The following GALNT17 variants were observed in gnomAD, a reference collection of about 807,000 sequenced individuals.
GALNT17 encodes UDP-GalNAc:polypeptide N-acetylgalactosaminyltransferase-like 3.
A neutral mutation model predicts 63.7 loss-of-function variants in GALNT17; 29 were observed. That is an observed-to-expected ratio of 0.46 (90% CI 0.34 to 0.62). The LOEUF (loss-of-function observed/expected upper bound fraction) is 0.62, where lower values mean the gene tolerates loss of function less well. GALNT17 is among the 20% of genes least tolerant of loss of function. The pLI is 0.01. For missense variants in GALNT17, 603 were observed against 799.6 expected (o/e 0.75, Z 2.97); for synonymous variants, 305 against 318.3 (o/e 0.96, Z 0.45).
At chr7:71,155,209 G>A (rs1048838652) in intron 1 of GALNT17, among the ~76,000 whole-genome samples, 1 of 151,862 alleles carries the variant, frequency 6.6e-6, no homozygotes, top group Non-Finnish European at 1.5e-5. Context: ...TAGCACCACA[G>A]TTCCTTATAT....
At chr7:71,492,874 G>A (rs753708586) in intron 5 of GALNT17, among the ~76,000 whole-genome samples, 1 of 152,148 alleles carries the variant, frequency 6.6e-6, no homozygotes, top group Non-Finnish European at 1.5e-5. Context: ...GATTATGATG[G>A]ACCAGAGAAG....
intron 2 of GALNT17, among the ~76,000 whole-genome samples, chr7:71,377,484 T>C (rs1792765587): frequency 6.6e-6 from 1 of 152,046 alleles, no homozygotes; most frequent in Non-Finnish European, 1.5e-5. Flanking sequence ...TGGGGGAGAC[T>C]CACACTGACA....
intron 3 of GALNT17, among the ~76,000 whole-genome samples, chr7:71,394,309 G>A (rs533220590): frequency 6.6e-6 from 1 of 152,188 alleles, no homozygotes; most frequent in South Asian, 2.1e-4. Context: ...AATTCCATAA[G>A]AATGGCACCA....
rs1793299388 is a variant in GALNT17 at position 71,404,793 on chromosome 7, T to C, written c.590-11096T>C. Reference sequence around the variant, plus strand: ...AAAAGATTCCCTGGATGCCCACTCTTTTGAAACCTCTTAATCAGCCCTTAG... The same window carrying C: ...AAAAGATTCCCTGGATGCCCACTCTCTTGAAACCTCTTAATCAGCCCTTAG... On this transcript the variant is annotated intron_variant, in intron 3 of 10. Transcript: ENST00000333538. Among the ~76,000 whole-genome samples the C allele has an allele frequency of 2.6e-5, 4 of 152,170 alleles. No homozygotes were observed. In the South Asian group the frequency reaches 8.3e-4, roughly 32 times the overall value.
rs766247752 is a variant in GALNT17 at position 71,158,701 on chromosome 7, C to T, written c.238+25661C>T. 4.6e-5 allele frequency among the ~76,000 whole-genome samples: 7 copies of T among 151,830 alleles called. 2 individuals are homozygous for T. Among genetic ancestry groups the T allele is most frequent in the South Asian group, 2.1e-4 (1 of 4,810 alleles). ...ACACCATTCTCCTACCTCAGACTCC[C>T]GAGTAGCTCCGACTACAGGCGCCTG... On this transcript the variant is annotated intron_variant, in intron 1 of 10. Transcript: ENST00000333538.
At chr7:71,453,090 T>C (rs765264654) in intron 5 of GALNT17, among the ~76,000 whole-genome samples, 3 of 152,206 alleles carry the variant, frequency 2.0e-5, no homozygotes, top group Admixed American at 6.5e-5. Flanking sequence ...TTGTTCATTA[T>C]TGTGTCTCCA....
chr7:71,515,387 A>G (rs754630579), intron 5 of GALNT17, among the ~76,000 whole-genome samples: 33 of 152,146 alleles, frequency 2.2e-4, no homozygotes, highest in Non-Finnish European at 5.9e-5. Context: ...TGTCTACATT[A>G]CTAGTCTTGT....
intron 6 of GALNT17, among the ~76,000 whole-genome samples, chr7:71,578,898 G>C (rs1430525880): frequency 6.6e-6 from 1 of 152,038 alleles, no homozygotes; most frequent in African/African-American, 2.4e-5. Context: ...GAGACCTCTG[G>C]CATCAGGAAC....
intron 1 of GALNT17, among the ~76,000 whole-genome samples, chr7:71,334,267 C>G (rs1791858648): frequency 6.6e-6 from 1 of 152,212 alleles, no homozygotes; most frequent in Admixed American, 6.5e-5. Context: ...GGGGAACCGT[C>G]TCACTACCGG....
intron 1 of GALNT17, among the ~76,000 whole-genome samples, chr7:71,302,771 A>T (rs986664834): frequency 6.6e-6 from 1 of 152,192 alleles, no homozygotes; most frequent in Non-Finnish European, 1.5e-5. Flanking sequence ...CCCTTTCAAC[A>T]TGGGGTATTC....
intron 1 of GALNT17, among the ~76,000 whole-genome samples, chr7:71,142,814 A>G (rs925194896): frequency 6.6e-6 from 1 of 151,308 alleles, no homozygotes; most frequent in African/African-American, 2.4e-5. Context: ...GGTGGCACAT[A>G]CCTGTAATCC....
At chr7:71,430,180 A>C (rs924739046) in intron 5 of GALNT17, among the ~76,000 whole-genome samples, 4 of 152,108 alleles carry the variant, frequency 2.6e-5, no homozygotes, top group South Asian at 4.1e-4. Context: ...AAACTACCAT[A>C]AATTCAGTTG....
rs1489159165 is a variant in GALNT17 at position 71,609,810 on chromosome 7, GTTA to G, written c.1080+38415_1080+38417del. On this transcript the variant is annotated intron_variant, in intron 6 of 10. Coordinates refer to ENST00000333538, the MANE Select transcript of GALNT17 (RefSeq NM_022479.3). ...TCAATAATAACTTAATTATTACTAAGTTATTATTAATAACTATCTAATTGTGCT... is the reference window on the plus strand; with the variant it reads ...TCAATAATAACTTAATTATTACTAAGTTATTAATAACTATCTAATTGTGCT... 1.1e-4 allele frequency among the ~76,000 whole-genome samples: 16 copies of G among 151,858 alleles called. No individual in the cohort carries two copies. In the East Asian group the frequency reaches 1.4e-3, roughly 13 times the overall value.
intron 6 of GALNT17, among the ~76,000 whole-genome samples, chr7:71,608,946 A>ATTT (rs766905822): frequency 0.036 from 5,047 of 140,540 alleles, 219 homozygotes; most frequent in African/African-American, 0.11. Flanking sequence ...CTCCCAGCTA[A>ATTT]TTTTTTTTTT....
intron 5 of GALNT17, among the ~76,000 whole-genome samples, chr7:71,522,133 G>A (rs1431987523): frequency 2.6e-5 from 4 of 152,142 alleles, no homozygotes; most frequent in Admixed American, 6.5e-5. Context: ...TCCACACTTT[G>A]TCTTCTCTTG....
chr7:71,153,762 C>T (rs1483534774), intron 1 of GALNT17, among the ~76,000 whole-genome samples: 1 of 151,816 alleles, frequency 6.6e-6, no homozygotes, highest in Non-Finnish European at 1.5e-5. Flanking sequence ...ACTAAAAATA[C>T]AAAAATTAGC....
At chr7:71,556,882 AT>A (rs1244643644) in intron 5 of GALNT17, among the ~76,000 whole-genome samples, 8 of 151,322 alleles carry the variant, frequency 5.3e-5, no homozygotes, top group Admixed American at 5.3e-4. Context: ...ACATAATCTT[AT>A]TTTGCTCTTT....
rs190151178 is a variant in GALNT17 at position 71,420,552 on chromosome 7, C to T, written c.765-356C>T. Among the ~76,000 whole-genome samples, 38 of 152,226 alleles carry T rather than the reference C, an allele frequency of 2.5e-4. 4 individuals carry two copies. In the East Asian group the frequency reaches 2.9e-3, roughly 12 times the overall value. ...GACGACACTGTATAAAACTGTCATG[C>T]AATGTGAATCATGGAGTCCACCGTC... On this transcript the variant is annotated intron_variant, in intron 4 of 10. Coordinates refer to ENST00000333538, the MANE Select transcript of GALNT17 (RefSeq NM_022479.3).
chr7:71,449,719 CTT>C (rs1787224444), intron 5 of GALNT17, among the ~76,000 whole-genome samples: 1 of 151,960 alleles, frequency 6.6e-6, no homozygotes, highest in Non-Finnish European at 1.5e-5. Context: ...ATATTTTTCT[CTT>C]GATTTATTAA....
Sources: allele counts gnomAD v4.1 joint callset (sites outside exome capture counted in the v4.1 genomes callset), GRCh38; gene constraint gnomAD v4.1.1; transcripts MANE v1.5; gene names NCBI Gene and HGNC (gene_info 2026-07-23, HGNC 2026-07-21).